CDH7: variants seen among roughly 807,000 people sequenced by gnomAD.
CDH7 encodes cadherin-7.
CDH7 carries 25 observed loss-of-function variants against 71.8 expected under a neutral mutation model. The observed-to-expected ratio is 0.35, with a 90% CI of 0.25 to 0.49. The LOEUF (loss-of-function observed/expected upper bound fraction) is 0.49, where lower values mean the gene tolerates loss of function less well. Among genes scored for constraint, CDH7 ranks in the 20% least tolerant of loss-of-function variants. The pLI, the probability that CDH7 is intolerant of heterozygous loss-of-function variation, is 0.99. For missense variants in CDH7, 862 were observed against 974.6 expected, an observed-to-expected ratio of 0.88 and a Z score of 1.54; for synonymous variants, 381 against 363.8, an observed-to-expected ratio of 1.05 and a Z score of -0.54.
intron 1 of CDH7, among the ~76,000 whole-genome samples, chr18:65,761,881 A>T (rs924138489): frequency 4.6e-5 from 7 of 152,176 alleles, no homozygotes; most frequent in African/African-American, 1.7e-4. Context: ...TCTTCTGTTG[A>T]TCAACATAAT....
intron 2 of CDH7, among the ~76,000 whole-genome samples, chr18:65,781,788 T>A (rs1337876112): frequency 5.9e-5 from 4 of 67,984 alleles, no homozygotes; most frequent in African/African-American, 1.0e-4. Context: ...CCTTCCTTCC[T>A]TCCTTCCTTC....
chr18:65,861,966 A>G (rs1350289347), intron 10 of CDH7, among the ~76,000 whole-genome samples: 1 of 152,140 alleles, frequency 6.6e-6, no homozygotes, highest in Non-Finnish European at 1.5e-5. Flanking sequence ...TATTTTTGAT[A>G]TATAAATCAC....
At chr18:65,778,960 T>C (rs1351681992) in intron 2 of CDH7, among the ~76,000 whole-genome samples, 6 of 152,076 alleles carry the variant, frequency 3.9e-5, no homozygotes, top group African/African-American at 1.2e-4. Context: ...TGCCTGTCCT[T>C]TGCAGGATTG....
At chr18:65,864,889 TAAAA>T (rs1191269381) in intron 11 of CDH7, among the ~76,000 whole-genome samples, 10 of 85,924 alleles carry the variant, frequency 1.2e-4, no homozygotes, top group East Asian at 1.1e-3. Flanking sequence ...AGACTCCATC[TAAAA>T]AAAAAAAAAA....
chr18:65,766,396 G>C (rs928096848), intron 2 of CDH7, among the ~76,000 whole-genome samples: 3 of 152,200 alleles, frequency 2.0e-5, no homozygotes, highest in Middle Eastern at 3.4e-3. Context: ...TTACTGAGTT[G>C]CTTTTTACAT....
intron 6 of CDH7, among the ~76,000 whole-genome samples, chr18:65,839,110 A>G (rs943457214): frequency 2.8e-4 from 42 of 152,222 alleles, no homozygotes; most frequent in Admixed American, 6.5e-5. Flanking sequence ...TATGACCATG[A>G]GTTCATGTAG....
rs1457451932 is a variant in CDH7, at chr18:65,889,452, TC to T, written c.*8561del. 2 of 151,962 alleles carry T rather than the reference TC, an allele frequency of 1.3e-5. No individual in the cohort carries two copies. Among genetic ancestry groups the T allele is most frequent in the East Asian group, 3.9e-4 (2 of 5,184 alleles). 9.4% of individuals were successfully genotyped at this position (151,962 alleles called of 1,614,324 possible). A position where few individuals can be genotyped will look rare whatever the true frequency, so the allele number is the denominator to read the frequency against. On this transcript the variant is annotated 3_prime_UTR_variant, in exon 12 of 12. Coordinates refer to ENST00000397968, the MANE Select transcript of CDH7 (RefSeq NM_004361.5). ...ATTTGAGGCCAGTTTCACCCCTACC[TC>T]CCATAAATCATTTTAAACCAAATAT...
At chr18:65,755,956 C>T (rs1916016112) in intron 1 of CDH7, among the ~76,000 whole-genome samples, 1 of 151,976 alleles carries the variant, frequency 6.6e-6, no homozygotes, top group African/African-American at 2.4e-5. Context: ...ACAGACTTCT[C>T]CTAGACTATA....
At chr18:65,859,912 A>AT (rs566220230) in intron 10 of CDH7, 87 bp downstream of exon 10, 187 of 784,186 alleles carry the variant, frequency 2.4e-4, no homozygotes, top group Non-Finnish European at 3.4e-4. Flanking sequence ...CTGATTATGG[A>AT]TTTTTTTTAA....
rs757133875 is a variant in CDH7 at position 65,880,569 on chromosome 18, G to A, written c.2033G>A (p.Arg678Gln). The A allele has an allele frequency of 6.2e-6, 10 of 1,613,848 alleles. No individual in the cohort carries two copies. In the East Asian group the frequency reaches 8.9e-5, roughly 14 times the overall value. ...MAALRNLNVI[R>Q]DTKTRRDVTP... ...GCACTGAGAAACCTCAACGTCATCC[G>A]AGACACCAAGACCCGGAGGGATGTG... The change falls in exon 12 of 12, where the codon CGA (arginine) becomes CAA (glutamine). Residue 678 changes from arginine to glutamine, a missense_variant. Transcript: ENST00000397968.
intron 6 of CDH7, 79 bp downstream of exon 6, chr18:65,824,910 A>T: frequency 1.1e-6 from 1 of 921,132 alleles, no homozygotes; most frequent in Non-Finnish European, 1.6e-6. Context: ...TACTAGACAA[A>T]CCGAATGGCC....
At chr18:65,818,148 A>G (rs1320907442) in intron 4 of CDH7, among the ~76,000 whole-genome samples, 8 of 152,218 alleles carry the variant, frequency 5.3e-5, no homozygotes, top group African/African-American at 7.2e-5. Context: ...TATTTTCACA[A>G]TGCAATTCAA....
intron 7 of CDH7, among the ~76,000 whole-genome samples, chr18:65,856,784 G>A (rs1021245403): frequency 2.6e-5 from 4 of 152,026 alleles, no homozygotes; most frequent in African/African-American, 4.8e-5. Context: ...GAAAGACTGC[G>A]AGGGGAACCT....
At chr18:65,801,370 C>T (rs976586718) in intron 2 of CDH7, among the ~76,000 whole-genome samples, 6 of 152,130 alleles carry the variant, frequency 3.9e-5, no homozygotes, top group African/African-American at 9.7e-5. Flanking sequence ...CTAGTTTTAA[C>T]GTGGTACTTC....
Position 65,880,484 on chromosome 18 carries a change from A to G in CDH7, c.1948A>G (p.Ile650Val). 6.2e-7 allele frequency: 1 copy of G among 1,600,782 alleles called. No homozygotes were observed. Among genetic ancestry groups the G allele is most frequent in the Non-Finnish European group, 8.5e-7 (1 of 1,176,444 alleles). Residue 650 changes from isoleucine (I) to valine (V), a missense_variant, in exon 12 of 12, where the codon ATT becomes GTT. Physicochemically the swap from Ile to Val is conservative, Grantham distance 29. Coordinates refer to ENST00000397968, the MANE Select transcript of CDH7 (RefSeq NM_004361.5). ...FDEERDIRENIVRYDDEGGGE... is the reference protein window; with the variant it reads ...FDEERDIRENVVRYDDEGGGE... ...CGAAGAAAGAGACATCAGAGAAAAT[A>G]TTGTGAGATACGATGACGAGGGCGG...
intron 11 of CDH7, chr18:65,863,809 A>G (rs1849366898): frequency 6.6e-6 from 1 of 152,192 alleles, no homozygotes; most frequent in Non-Finnish European, 1.5e-5. Context: ...AGTAACTCAG[A>G]TTTTGCAGCA....
At chr18:65,761,446 A>G (rs1916189400) in intron 1 of CDH7, among the ~76,000 whole-genome samples, 1 of 151,982 alleles carries the variant, frequency 6.6e-6, no homozygotes, top group South Asian at 2.1e-4. Flanking sequence ...AGAAAGACTG[A>G]AAAGCTTATG....
intron 2 of CDH7, among the ~76,000 whole-genome samples, chr18:65,791,289 A>G (rs1285745969): frequency 6.6e-6 from 1 of 152,148 alleles, no homozygotes; most frequent in African/African-American, 2.4e-5. Flanking sequence ...CTTTGTGTAT[A>G]TTTTTACATA....
chr18:65,781,819 C>CTTCCTTCTTTCTTTCT (rs1491280674), intron 2 of CDH7, among the ~76,000 whole-genome samples: 29 of 43,900 alleles, frequency 6.6e-4, no homozygotes, highest in South Asian at 1.2e-3. Flanking sequence ...TCCTTCCTTC[C>CTTCCTTCTTTCTTTCT]TTCTTTCTTT....
Sources: gnomAD v4.1 joint callset for allele counts (sites outside exome capture counted in the v4.1 genomes callset) on GRCh38, gnomAD v4.1.1 for gene constraint, MANE v1.5 for transcripts, NCBI Gene and HGNC (gene_info 2026-07-23, HGNC 2026-07-21) for gene names.